The following CD163L1 variants were observed in gnomAD, a reference collection of about 807,000 sequenced individuals.
CD163L1 encodes the protein CD163 molecule like 1, also known as scavenger receptor cysteine-rich type 1 protein M160.
In CD163L1, 124 loss-of-function variants were observed where a neutral mutation model predicts 165.4. The observed-to-expected ratio is 0.75, with a 90% CI of 0.65 to 0.87. The LOEUF (loss-of-function observed/expected upper bound fraction) is 0.87. Among genes scored for constraint, CD163L1 ranks in the 40% least tolerant of loss-of-function variants. The probability of loss-of-function intolerance (pLI) is 0.00; values close to 1 mark genes in which losing one functional copy is unlikely to be tolerated. For missense variants in CD163L1, 1,525 were observed against 1,799.9 expected (o/e 0.85, Z 2.76); for synonymous variants, 585 against 662.2 (o/e 0.88, Z 1.79).
chr12:7,326,987 T>C, the CD163L1 span: 3 of 1,603,946 alleles, frequency 1.9e-6, no homozygotes, highest in Middle Eastern at 5.1e-4. Flanking sequence ...TGGTGAAAGC[T>C]TTTGTTGTCT....
At chr12:7,386,604 CAAAAA>C in intron 8 of CD163L1, among the ~76,000 whole-genome samples, 1 of 117,476 alleles carries the variant, frequency 8.5e-6, no homozygotes, top group South Asian at 2.7e-4. Context: ...GTCAACATAT[CAAAAA>C]AAAAAAAAAA....
chr12:7,369,585 A>C lies in CD163L1; in HGVS notation c.3811T>G (p.Cys1271Gly). Residue 1271 changes from cysteine (C) to glycine (G), a missense_variant, in exon 15 of 20, where the codon TGT becomes GGT. Coordinates refer to ENST00000313599, the MANE Select transcript of CD163L1 (RefSeq NM_174941.6). The surrounding 1 kb of genome is among the most constrained non-coding windows in gnomAD (Gnocchi z 4.9). The stretch of plus-strand genomic sequence containing the variant: ...TCGGCCAGGTCCCAGGAGTCATCAC[A>C]CACTGTGCCCCAGGAGCCTGCGTGC... ...IWHAGSWGTVCDDSWDLAEAE... is the reference protein window; with the variant it reads ...IWHAGSWGTVGDDSWDLAEAE... 2 of 1,614,120 alleles carry C rather than the reference A, an allele frequency of 1.2e-6. No homozygotes were observed. Among genetic ancestry groups the C allele is most frequent in the Non-Finnish European group, 8.5e-7 (1 of 1,179,988 alleles).
At chr12:7,328,917 C>CTGTATATATACACATATGTGTATATA in the CD163L1 span, among the ~76,000 whole-genome samples, 1 of 149,022 alleles carries the variant, frequency 6.7e-6, no homozygotes, top group Non-Finnish European at 1.5e-5. Flanking sequence ...GTATATATAT[C>CTGTATATATACACATATGTGTATATA]TGTATATATA....
At chr12:7,433,809 T>C (rs1948673963) in intron 2 of CD163L1, 115 bp from the exon 3 acceptor site, 2 of 743,710 alleles carry the variant, frequency 2.7e-6, no homozygotes. Flanking sequence ...TTAGAACTTA[T>C]AGTAGAGAGA....
chr12:7,343,111 AAG>A (rs776014889), downstream of CD163L1, among the ~76,000 whole-genome samples: 23 of 150,618 alleles, frequency 1.5e-4, no homozygotes, highest in East Asian at 1.9e-4. Flanking sequence ...GAGGTGGAGG[AAG>A]AGAGAGAGAG....
chr12:7,403,578 C>G lies in CD163L1; in HGVS notation c.1365G>C (p.Lys455Asn), dbSNP rs776250574. ...LWDCTYDGKA[K>N]RTCFRRSDAG... ...CATCTGATCTTCGGAAGCATGTTCGCTTTGCTTTTCCATCATATGTGCAGT... is the reference window on the plus strand; with the variant it reads ...CATCTGATCTTCGGAAGCATGTTCGGTTTGCTTTTCCATCATATGTGCAGT... The change falls in exon 6 of 20, where the codon AAG (lysine) becomes AAC (asparagine). Residue 455 changes from lysine to asparagine, a missense_variant. Lys to Asn is a moderately conservative substitution (Grantham distance 94, BLOSUM62 0). Coordinates refer to ENST00000313599, the MANE Select transcript of CD163L1 (RefSeq NM_174941.6). 6.2e-7 allele frequency: 1 copy of G among 1,613,812 alleles called. No individual in the cohort carries two copies. The highest frequency in any genetic ancestry group is 1.7e-5 in the Admixed American group (1 of 59,934).
chr12:7,394,987 C>A (rs903710666), intron 8 of CD163L1, among the ~76,000 whole-genome samples: 1 of 152,108 alleles, frequency 6.6e-6, no homozygotes, highest in African/African-American at 2.4e-5. Flanking sequence ...CGTTTTTACA[C>A]TGTTGGTGGG....
intron 3 of CD163L1, 23 bp downstream of exon 3, chr12:7,433,348 CCTT>C: frequency 6.4e-7 from 1 of 1,552,414 alleles, no homozygotes; most frequent in Non-Finnish European, 8.7e-7. Context: ...TCTTACCTTG[CCTT>C]CCTACTCTAG....
chr12:7,393,642 G>C (rs956197498), intron 8 of CD163L1, among the ~76,000 whole-genome samples: 19 of 152,314 alleles, frequency 1.2e-4, no homozygotes, highest in African/African-American at 4.1e-4. Context: ...GTCCCTGTTT[G>C]CAGATGACAT....
At chr12:7,421,034 TAC>T (rs1319456034) in intron 4 of CD163L1, among the ~76,000 whole-genome samples, 4 of 110,874 alleles carry the variant, frequency 3.6e-5, no homozygotes, top group South Asian at 3.1e-4. Flanking sequence ...CATATATATA[TAC>T]GTGTATATAT....
At position 7,441,287 on chromosome 12, in the gene CD163L1, T is replaced by C. The variant is rs1046006450; in HGVS notation, c.32-41A>G. The stretch of plus-strand genomic sequence containing the variant: ...ATAGCAGGGTAGAATTTCATGTCTT[T>C]CTAAGAAATGTTAGATGACCTCAAT... On this transcript the variant is annotated intron_variant, in intron 1 of 19. Coordinates refer to ENST00000313599, the MANE Select transcript of CD163L1 (RefSeq NM_174941.6). 6.9e-6 allele frequency: 10 copies of C among 1,456,136 alleles called. No individual in the cohort carries two copies. The African/African-American group carries it at 1.3e-4, about 18-fold the overall frequency. The allele number at this position is 1,456,136 out of a possible 1,614,324, so 90.2% of individuals were successfully genotyped here.
At chr12:7,334,861 AG>A in the CD163L1 span, among the ~76,000 whole-genome samples, 1 of 152,216 alleles carries the variant, frequency 6.6e-6, no homozygotes, top group Non-Finnish European at 1.5e-5. Context: ...ACAAACAGAG[AG>A]CCAAATCATG....
chr12:7,408,093 A>ATATATATATC (rs1555200524), intron 4 of CD163L1, among the ~76,000 whole-genome samples: 3 of 150,218 alleles, frequency 2.0e-5, no homozygotes, highest in South Asian at 2.1e-4. Context: ...ATATATATAT[A>ATATATATATC]TCATATATAT....
At chr12:7,339,926 A>T in the CD163L1 span, among the ~76,000 whole-genome samples, 3 of 152,142 alleles carry the variant, frequency 2.0e-5, no homozygotes, top group Non-Finnish European at 2.9e-5. Context: ...TAGGTATGAG[A>T]TCATCATACA....
In CD163L1 at chr12:7,374,987, T is replaced by C. The variant is rs201716791; in HGVS notation, c.3002-64A>G. The C allele has an allele frequency of 1.3e-4, 190 of 1,433,936 alleles. No individual in the cohort carries two copies. In the East Asian group the frequency reaches 3.8e-3, roughly 29 times the overall value. 88.8% of individuals were successfully genotyped at this position (1,433,936 alleles called of 1,614,324 possible). ...AAAATACATGGAAAAGGTTGAAGAG[T>C]TCTGTAACAACATGGAATCTGCAAT... On this transcript the variant is annotated intron_variant, in intron 11 of 19. Transcript: ENST00000313599. The surrounding 1 kb of genome is among the most constrained non-coding windows in gnomAD (Gnocchi z 5.4).
downstream of CD163L1, among the ~76,000 whole-genome samples, chr12:7,353,693 C>T (rs911559378): frequency 6.6e-6 from 1 of 151,936 alleles, no homozygotes; most frequent in African/African-American, 2.4e-5. Flanking sequence ...CAGAAACATT[C>T]CAAAATGTTA....
the CD163L1 span, chr12:7,320,930 G>A: frequency 1.3e-5 from 11 of 843,642 alleles, no homozygotes; most frequent in East Asian, 2.1e-4. Flanking sequence ...ATTTTGAACC[G>A]AATAATTCTA....
chr12:7,343,589 A>T (rs1309245400), downstream of CD163L1, among the ~76,000 whole-genome samples: 5 of 152,148 alleles, frequency 3.3e-5, no homozygotes, highest in African/African-American at 9.7e-5. Context: ...GAGAGCAGGG[A>T]GGTGCCACAA....
At chr12:7,410,950 A>ATT (rs1948127881) in intron 4 of CD163L1, among the ~76,000 whole-genome samples, 1 of 151,320 alleles carries the variant, frequency 6.6e-6, no homozygotes, top group Non-Finnish European at 1.5e-5. Flanking sequence ...ATAAACTACA[A>ATT]GTGCAGGAAC....
Sources: allele counts gnomAD v4.1 joint callset (sites outside exome capture counted in the v4.1 genomes callset), GRCh38; gene constraint gnomAD v4.1.1; non-coding constraint Gnocchi (gnomAD v3.1); transcripts MANE v1.5; gene names NCBI Gene and HGNC (gene_info 2026-07-23, HGNC 2026-07-21).